The following CRACD variants were observed in gnomAD, a reference collection of about 807,000 sequenced individuals.
CRACD encodes capping protein inhibiting regulator of actin dynamics, also known as capping protein-inhibiting regulator of actin dynamics.
Under a neutral mutation model 106.8 loss-of-function variants are expected in CRACD, and 56 were observed. The observed-to-expected ratio is 0.52, with a 90% confidence interval of 0.42 to 0.66. The LOEUF is 0.66. Among genes scored for constraint, CRACD ranks in the 30% least tolerant of loss-of-function variants. CRACD has a pLI of 0.00. For missense variants in CRACD, 1,730 were observed against 1,623.2 expected (o/e 1.07, Z -1.13); for synonymous variants, 754 against 670.8 (o/e 1.12, Z -1.92).
chr4:56,146,025 G>T (rs1442317280), intron 1 of CRACD, among the ~76,000 whole-genome samples: 1 of 152,062 alleles, frequency 6.6e-6, no homozygotes, highest in Non-Finnish European at 1.5e-5. Flanking sequence ...GTTGTTTTAA[G>T]GAATGTTTTA....
At chr4:56,096,865 G>A (rs1185291953) in intron 1 of CRACD, among the ~76,000 whole-genome samples, 4 of 152,206 alleles carry the variant, frequency 2.6e-5, no homozygotes, top group Admixed American at 1.3e-4. Context: ...GAGTTTTACT[G>A]TAATGTGGAA....
chr4:56,145,980 G>A (rs945887087), intron 1 of CRACD, among the ~76,000 whole-genome samples: 80 of 152,006 alleles, frequency 5.3e-4, no homozygotes, highest in African/African-American at 1.8e-3. Context: ...GTTTCCGAGA[G>A]TTAAATACAT....
rs148055954 is a variant in CRACD, at chr4:56,142,477, A to T, written c.-335-36807A>T. Among the ~76,000 whole-genome samples, 609 of 152,284 alleles carry T rather than the reference A, an allele frequency of 4.0e-3. 2 individuals are homozygous for T. Among genetic ancestry groups the T allele is most frequent in the African/African-American group, 0.014 (583 of 41,558 alleles). ...TATATCCTGGAGAAATCTGGGAATT[A>T]TGATTTATCTTTTCAAGATTTATCC... On this transcript the variant is annotated intron_variant, in intron 1 of 10. Transcript: ENST00000682029.
intron 5 of CRACD, among the ~76,000 whole-genome samples, chr4:56,308,625 G>A (rs1045688951): frequency 3.3e-5 from 5 of 152,134 alleles, no homozygotes; most frequent in Non-Finnish European, 4.4e-5. Context: ...TGAGAAAGAC[G>A]AGTGATTTGC....
At chr4:56,066,759 C>T (rs1732478029) in intron 1 of CRACD, among the ~76,000 whole-genome samples, 1 of 152,030 alleles carries the variant, frequency 6.6e-6, no homozygotes, top group Admixed American at 6.6e-5. Flanking sequence ...ACACAAAGTA[C>T]AGGGAAGGCC....
At chr4:56,064,840 C>T (rs1039091349) in intron 1 of CRACD, among the ~76,000 whole-genome samples, 2 of 152,130 alleles carry the variant, frequency 1.3e-5, no homozygotes, top group Non-Finnish European at 2.9e-5. Context: ...ACAGATTCAT[C>T]GAAGTTTCAC....
chr4:56,257,293 G>C (rs1180410101), intron 2 of CRACD, among the ~76,000 whole-genome samples: 1 of 151,894 alleles, frequency 6.6e-6, no homozygotes, highest in Admixed American at 6.6e-5. Context: ...TACTGGCCAG[G>C]CTGGTCTCAA....
At chr4:56,199,376 G>A (rs1737767501) in intron 2 of CRACD, among the ~76,000 whole-genome samples, 1 of 152,066 alleles carries the variant, frequency 6.6e-6, no homozygotes. Context: ...TAATTTAGGT[G>A]TGAGTAACAG....
chr4:56,051,771 C>A (rs77964085), intron 1 of CRACD, among the ~76,000 whole-genome samples: 9 of 152,262 alleles, frequency 5.9e-5, no homozygotes, highest in African/African-American at 2.2e-4. Flanking sequence ...ATTTTACAAC[C>A]TAGTACTTAG....
At chr4:56,150,289 G>A (rs1022127528) in intron 1 of CRACD, among the ~76,000 whole-genome samples, 2 of 152,232 alleles carry the variant, frequency 1.3e-5, no homozygotes, top group South Asian at 2.1e-4. Context: ...ATAGGTTTGA[G>A]AAGTTTAAAT....
chr4:56,065,371 A>T (rs913239770), intron 1 of CRACD, among the ~76,000 whole-genome samples: 1 of 152,124 alleles, frequency 6.6e-6, no homozygotes, highest in African/African-American at 2.4e-5. Context: ...TACAGTCGTG[A>T]GCCACTGCGC....
intron 2 of CRACD, among the ~76,000 whole-genome samples, chr4:56,183,973 G>A (rs147637137): frequency 7.9e-5 from 12 of 152,020 alleles, no homozygotes; most frequent in Admixed American, 1.3e-4. Context: ...TTCTCTTTGC[G>A]CTTAACAGCA....
At position 56,188,647 on chromosome 4, in the gene CRACD, C is replaced by CTCTT. The variant is rs1313923378; in HGVS notation, c.-189+9218_-189+9219insCTTT. 5.0e-5 allele frequency among the ~76,000 whole-genome samples: 7 copies of CTCTT among 139,994 alleles called. No individual in the cohort carries two copies. The East Asian group carries it at 1.5e-3, about 30-fold the overall frequency. 91.8% of individuals were successfully genotyped at this position (139,994 alleles called of 152,430 possible). A position where few individuals can be genotyped will look rare whatever the true frequency, so the allele number is the denominator to read the frequency against. On this transcript the variant is annotated intron_variant, in intron 2 of 10. Transcript: ENST00000682029. ...CCTCTCTCTCTCTCTCTCTCTCTCT[C>CTCTT]TATCTCTCTATTTCTCTCTCTCTCT...
intron 1 of CRACD, among the ~76,000 whole-genome samples, chr4:56,083,871 G>A (rs1253549069): frequency 6.6e-6 from 1 of 152,140 alleles, no homozygotes; most frequent in Non-Finnish European, 1.5e-5. Context: ...CAGCTACTCT[G>A]GAGGCTGAGG....
At chr4:56,222,674 G>A (rs1168733612) in intron 2 of CRACD, among the ~76,000 whole-genome samples, 1 of 152,072 alleles carries the variant, frequency 6.6e-6, no homozygotes, top group East Asian at 1.9e-4. Flanking sequence ...GGCCAGGCGT[G>A]GTGAGTCATC....
intron 1 of CRACD, among the ~76,000 whole-genome samples, chr4:56,084,336 A>G (rs1413876461): frequency 6.6e-6 from 1 of 151,954 alleles, no homozygotes; most frequent in African/African-American, 2.4e-5. Flanking sequence ...AAAAATTCTT[A>G]TATGGATTTT....
Position 56,330,204 on chromosome 4 carries a change from T to A in CRACD, c.*2400T>A, listed in dbSNP as rs1035674116. ...TTAAATGCAAACTTTTTTTTTTTTTTATTTAAACAAACATACACTTCTCCT... is the reference window on the plus strand; with the variant it reads ...TTAAATGCAAACTTTTTTTTTTTTTAATTTAAACAAACATACACTTCTCCT... On this transcript the variant is annotated 3_prime_UTR_variant, in exon 11 of 11. Coordinates refer to ENST00000682029, the MANE Select transcript of CRACD (RefSeq NM_001393381.1). Among the ~76,000 whole-genome samples the A allele has an allele frequency of 5.5e-5, 8 of 145,564 alleles. No homozygotes were observed. Among genetic ancestry groups the A allele is most frequent in the African/African-American group, 1.3e-4 (5 of 39,880 alleles).
At chr4:56,055,041 A>G (rs1732007897) in intron 1 of CRACD, among the ~76,000 whole-genome samples, 1 of 152,354 alleles carries the variant, frequency 6.6e-6, no homozygotes, top group South Asian at 2.1e-4. Flanking sequence ...AAATATTTAA[A>G]TCAGAAGTAA....
intron 1 of CRACD, among the ~76,000 whole-genome samples, chr4:56,117,789 G>A (rs989501124): frequency 6.6e-5 from 10 of 152,058 alleles, no homozygotes; most frequent in South Asian, 2.1e-4. Context: ...ACAGAGTCTC[G>A]CTCTGCTACC....
Sources: gnomAD v4.1 joint callset for allele counts (sites outside exome capture counted in the v4.1 genomes callset) on GRCh38, gnomAD v4.1.1 for gene constraint, MANE v1.5 for transcripts, NCBI Gene and HGNC (gene_info 2026-07-23, HGNC 2026-07-21) for gene names.